The following ZNF536 variants were observed in gnomAD, a reference collection of about 807,000 sequenced individuals.
The protein encoded by ZNF536 is zinc finger protein 536.
A neutral mutation model predicts 84.5 loss-of-function variants in ZNF536; 13 were observed. That is an observed-to-expected ratio of 0.15 (90% CI 0.10 to 0.24). The LOEUF (loss-of-function observed/expected upper bound fraction) is 0.24, where lower values mean the gene tolerates loss of function less well. Among genes scored for constraint, ZNF536 ranks in the 10% least tolerant of loss-of-function variants. The pLI is 1.00. For synonymous variants in ZNF536, 811 were observed against 742.5 expected (o/e 1.09, Z -1.50); for missense variants, 1,536 against 1,747.5 (o/e 0.88, Z 2.16).
chr19:30,482,449 A>C (rs1302641446), intron 2 of ZNF536, among the ~76,000 whole-genome samples: 1 of 151,960 alleles, frequency 6.6e-6, no homozygotes, highest in Non-Finnish European at 1.5e-5. Context: ...GCTCCTAACC[A>C]TTGTCCCATC....
intron 2 of ZNF536, among the ~76,000 whole-genome samples, chr19:30,350,096 G>A (rs1171109192): frequency 2.0e-5 from 3 of 151,904 alleles, no homozygotes; most frequent in Admixed American, 6.6e-5. Context: ...TCCTTGCAAT[G>A]CCATTTTTCA....
intron 1 of ZNF536, among the ~76,000 whole-genome samples, chr19:30,389,844 G>A (rs1051484791): frequency 4.6e-5 from 7 of 152,234 alleles, no homozygotes; most frequent in Non-Finnish European, 7.3e-5. Flanking sequence ...CCACTTGGCT[G>A]CTGAGTGTGG....
chr19:30,708,570 C>T (rs1022794725), intron 1 of ZNF536, among the ~76,000 whole-genome samples: 1 of 152,172 alleles, frequency 6.6e-6, no homozygotes, highest in Admixed American at 6.5e-5. Flanking sequence ...GCATGAAGGC[C>T]ACCCGCGGGC....
chr19:30,385,369 G>A (rs1172798888), intron 1 of ZNF536, among the ~76,000 whole-genome samples: 3 of 152,134 alleles, frequency 2.0e-5, no homozygotes, highest in Non-Finnish European at 2.9e-5. Context: ...GGGTGCCCTG[G>A]GAAGCAGTGC....
At chr19:30,366,214 T>TG (rs1465550425) in intron 3 of ZNF536, among the ~76,000 whole-genome samples, 10 of 152,352 alleles carry the variant, frequency 6.6e-5, no homozygotes, top group African/African-American at 2.2e-4. Context: ...GAGCGGCTGC[T>TG]GGGCAATGCT....
intron 2 of ZNF536, among the ~76,000 whole-genome samples, chr19:30,461,446 AGAGAAAG>A (rs1464318453): frequency 5.9e-5 from 9 of 152,120 alleles, no homozygotes; most frequent in African/African-American, 2.2e-4. Flanking sequence ...ACATCCCTTC[AGAGAAAG>A]GAGCAGGGAA....
chr19:30,519,396 TCTC>T (rs940239940), intron 2 of ZNF536, among the ~76,000 whole-genome samples: 3 of 152,180 alleles, frequency 2.0e-5, no homozygotes, highest in African/African-American at 7.2e-5. Context: ...CAAGCTGACT[TCTC>T]CTTGCCCTCC....
At chr19:30,458,605 A>C (rs2052983064) in intron 2 of ZNF536, among the ~76,000 whole-genome samples, 1 of 151,884 alleles carries the variant, frequency 6.6e-6, no homozygotes, top group Non-Finnish European at 1.5e-5. Flanking sequence ...GGCATATGCC[A>C]CCACACCAGG....
chr19:30,431,595 ACCGAATCAAATCTGAGG>A (rs1350461059), intron 1 of ZNF536, among the ~76,000 whole-genome samples: 3 of 152,206 alleles, frequency 2.0e-5, no homozygotes, highest in Non-Finnish European at 4.4e-5. Flanking sequence ...TTAGTTTTGC[ACCGAATCAAATCTGAGG>A]CCTCTGTGAA....
At chr19:30,489,427 T>TC (rs1216715704) in intron 2 of ZNF536, among the ~76,000 whole-genome samples, 1 of 151,790 alleles carries the variant, frequency 6.6e-6, no homozygotes, top group Non-Finnish European at 1.5e-5. Flanking sequence ...AAAAAATTTT[T>TC]AAAAATTAGC....
intron 1 of ZNF536, among the ~76,000 whole-genome samples, chr19:30,387,478 C>T (rs1445672074): frequency 1.3e-5 from 2 of 152,166 alleles, no homozygotes; most frequent in Non-Finnish European, 2.9e-5. Context: ...GACCCACTGC[C>T]TCTTTCCAAG....
chr19:30,351,335 T>C (rs1272541728), intron 2 of ZNF536, among the ~76,000 whole-genome samples: 2 of 152,184 alleles, frequency 1.3e-5, no homozygotes, highest in East Asian at 3.8e-4. Flanking sequence ...CAGTATATGG[T>C]TTCAAAGAAT....
At chr19:30,333,931 A>T (rs973096969) in intron 2 of ZNF536, among the ~76,000 whole-genome samples, 1 of 152,174 alleles carries the variant, frequency 6.6e-6, no homozygotes, top group Non-Finnish European at 1.5e-5. Flanking sequence ...TGATTTTTTT[A>T]AAAAATCACT....
chr19:30,596,106 T>C (rs2047454496), intron 1 of ZNF536, among the ~76,000 whole-genome samples: 1 of 152,206 alleles, frequency 6.6e-6, no homozygotes, highest in Admixed American at 6.5e-5. Flanking sequence ...GACATACTGT[T>C]CTTTCTTCTT....
At chr19:30,233,857 C>T (rs1436388794) in intron 1 of ZNF536, among the ~76,000 whole-genome samples, 1 of 152,134 alleles carries the variant, frequency 6.6e-6, no homozygotes, top group African/African-American at 2.4e-5. Context: ...TCTCCCGTGA[C>T]CCACGTTCAG....
At chr19:30,671,473 G>C (rs991870665) in intron 1 of ZNF536, among the ~76,000 whole-genome samples, 2 of 152,198 alleles carry the variant, frequency 1.3e-5, no homozygotes, top group African/African-American at 4.8e-5. Context: ...TGTCAACTCA[G>C]CAGAGATGAT....
chr19:30,458,447 G>GTTTTTTTTTTTTTTTTTTTT (rs3084731), intron 2 of ZNF536, among the ~76,000 whole-genome samples: 7 of 83,492 alleles, frequency 8.4e-5, no homozygotes, highest in African/African-American at 3.9e-4. Flanking sequence ...ATTTCCTGCT[G>GTTTTTTTTTTTTTTTTTTTT]TTTTTTTTTT....
intron 1 of ZNF536, among the ~76,000 whole-genome samples, chr19:30,588,358 AC>A (rs2047166095): frequency 6.6e-6 from 1 of 152,170 alleles, no homozygotes; most frequent in African/African-American, 2.4e-5. Flanking sequence ...GGTCCTGATC[AC>A]CATGGTCAGT....
At chr19:30,360,632 G>T (rs537998135) in intron 3 of ZNF536, among the ~76,000 whole-genome samples, 3 of 152,108 alleles carry the variant, frequency 2.0e-5, no homozygotes, top group Non-Finnish European at 4.4e-5. Flanking sequence ...GGTCTGACGC[G>T]GTCAGAAAGA....
Sources: gnomAD v4.1 joint callset for allele counts (sites outside exome capture counted in the v4.1 genomes callset) on GRCh38, gnomAD v4.1.1 for gene constraint, MANE v1.5 for transcripts, NCBI Gene and HGNC (gene_info 2026-07-23, HGNC 2026-07-21) for gene names.